FANK1: variants seen among roughly 807,000 people sequenced by gnomAD.
FANK1 encodes the protein fibronectin type 3 and ankyrin repeat domains protein 1.
A neutral mutation model predicts 45.3 loss-of-function variants in FANK1; 44 were observed. That is an observed-to-expected ratio of 0.97 (90% CI 0.76 to 1.25). The LOEUF is 1.25. Among genes scored for constraint, FANK1 ranks in the 50% most tolerant of loss-of-function variants. The probability of loss-of-function intolerance (pLI) is 0.00; values close to 1 mark genes in which losing one functional copy is unlikely to be tolerated. For missense variants in FANK1, 391 were observed against 424.4 expected (o/e 0.92, Z 0.69); for synonymous variants, 149 against 152.5 (o/e 0.98, Z 0.17).
chr10:125,996,444 A>G, intron 4 of FANK1, 106 bp from the exon 5 acceptor site: 1 of 938,216 alleles, frequency 1.1e-6, no homozygotes, highest in South Asian at 1.7e-5. Flanking sequence ...TGGAATTTTC[A>G]GTAAAATGAG....
chr10:125,945,444 G>A (rs927405265), intron 1 of FANK1, among the ~76,000 whole-genome samples: 5 of 152,244 alleles, frequency 3.3e-5, no homozygotes, highest in Non-Finnish European at 7.3e-5. Flanking sequence ...CTTGGGAAGC[G>A]CAAGGGGTCA....
chr10:125,914,838 G>A (rs1946318418), intron 1 of FANK1, among the ~76,000 whole-genome samples: 1 of 152,136 alleles, frequency 6.6e-6, no homozygotes, highest in Non-Finnish European at 1.5e-5. Flanking sequence ...GATCAGAAGT[G>A]AGGTCTGAAC....
Position 125,989,381 on chromosome 10 carries a change from A to G in FANK1, c.316+706A>G, listed in dbSNP as rs538834826. The G allele has an allele frequency of 3.9e-5, 60 of 1,548,656 alleles. No homozygotes were observed. In the African/African-American group the frequency reaches 7.7e-4, roughly 20 times the overall value. ...AGGCAAGTAATTTTTCAGTTGCACA[A>G]AGGAAACCTTCCTTTTGTGAGTAAA... On this transcript the variant is annotated intron_variant, in intron 3 of 10. Transcript: ENST00000368693.
At chr10:125,933,554 C>T (rs911496984) in intron 1 of FANK1, among the ~76,000 whole-genome samples, 1 of 152,072 alleles carries the variant, frequency 6.6e-6, no homozygotes, top group South Asian at 2.1e-4. Context: ...AATGGTCTAT[C>T]AATTTTATTT....
At chr10:125,985,652 A>G (rs1951506361) in intron 2 of FANK1, among the ~76,000 whole-genome samples, 1 of 152,196 alleles carries the variant, frequency 6.6e-6, no homozygotes, top group Admixed American at 6.5e-5. Flanking sequence ...TATCTGCTGC[A>G]TGACAAACCA....
At position 126,009,449 on chromosome 10, in the gene FANK1, A is replaced by T. The variant is rs1368966704; in HGVS notation, c.*11A>T. Reference sequence around the variant, plus strand: ...TCTTGTGTCTGCTGATGAGAGCACCACTCATCTGCGAAACGCACGTAAAAC... The same window carrying T: ...TCTTGTGTCTGCTGATGAGAGCACCTCTCATCTGCGAAACGCACGTAAAAC... On this transcript the variant is annotated 3_prime_UTR_variant, in exon 11 of 11. Transcript: ENST00000368693. The T allele has an allele frequency of 6.2e-7, 1 of 1,611,364 alleles. No individual in the cohort carries two copies. Among genetic ancestry groups the T allele is most frequent in the Non-Finnish European group, 8.5e-7 (1 of 1,179,340 alleles).
Position 126,001,252 on chromosome 10 carries a change from T to C in FANK1, c.540-3632T>C, listed in dbSNP as rs549306948. On this transcript the variant is annotated intron_variant, in intron 6 of 10. Transcript: ENST00000368693. ...TGATTGAAGTTATGATACATTCATA[T>C]GATAGAATATTTAGTATGTGTTATG... Among the ~76,000 whole-genome samples the C allele has an allele frequency of 3.3e-4, 50 of 152,330 alleles. 1 individual carries two copies. The South Asian group carries it at 7.5e-3, about 23-fold the overall frequency.
chr10:125,994,588 C>G, intron 3 of FANK1: 1 of 985,270 alleles, frequency 1.0e-6, no homozygotes, highest in Non-Finnish European at 1.2e-6. Context: ...AGGTGCTATT[C>G]GAAGTGCTTC....
intron 1 of FANK1, among the ~76,000 whole-genome samples, chr10:125,970,978 A>G (rs1950481584): frequency 6.6e-6 from 1 of 152,234 alleles, no homozygotes; most frequent in Non-Finnish European, 1.5e-5. Context: ...AGCCAGGACT[A>G]TAGTCACAGA....
chr10:125,918,588 ATATATATAT>A (rs1946675752), intron 1 of FANK1, among the ~76,000 whole-genome samples: 1 of 94,114 alleles, frequency 1.1e-5, no homozygotes, highest in African/African-American at 4.2e-5. Flanking sequence ...AAAAAAAAAT[ATATATATAT>A]ATATATATAT....
intron 1 of FANK1, among the ~76,000 whole-genome samples, chr10:125,916,124 G>A (rs1478209519): frequency 6.6e-6 from 1 of 151,634 alleles, no homozygotes; most frequent in African/African-American, 2.4e-5. Flanking sequence ...TGCAACCTCC[G>A]CCTCCTGACT....
chr10:125,969,103 C>A (rs1950340079), intron 1 of FANK1, among the ~76,000 whole-genome samples: 1 of 152,000 alleles, frequency 6.6e-6, no homozygotes, highest in African/African-American at 2.4e-5. Flanking sequence ...GTTGTTCTTC[C>A]TTTTTCATTA....
chr10:125,927,466 T>C (rs1442030296), intron 1 of FANK1, among the ~76,000 whole-genome samples: 2 of 152,194 alleles, frequency 1.3e-5, no homozygotes, highest in African/African-American at 4.8e-5. Context: ...GTTTTACTAA[T>C]ATTGCACAAT....
Position 125,995,458 on chromosome 10 carries a change from G to A in FANK1, c.358G>A (p.Val120Met). 1 of 1,614,196 alleles carries A rather than the reference G, an allele frequency of 6.2e-7. No individual in the cohort carries two copies. Among genetic ancestry groups the A allele is most frequent in the South Asian group, 1.1e-5 (1 of 91,082 alleles). Residue 120 changes from valine (V) to methionine (M), a missense_variant, in exon 4 of 11, where the codon GTG becomes ATG. Coordinates refer to ENST00000368693, the MANE Select transcript of FANK1 (RefSeq NM_145235.5). ...SSEHLHRAVS[V>M]NDEDLLVRIL... The stretch of plus-strand genomic sequence containing the variant: ...TGAGCACTTGCACCGGGCTGTCAGT[G>A]TGAATGATGAAGATTTGCTGGTCCG...
intron 1 of FANK1, among the ~76,000 whole-genome samples, chr10:125,950,049 A>G (rs1341257332): frequency 2.9e-5 from 4 of 135,740 alleles, no homozygotes; most frequent in African/African-American, 1.1e-4. Context: ...GTGCTGGGAA[A>G]ACTGGCTAGC....
At chr10:125,988,815 C>T in intron 3 of FANK1, 140 bp downstream of exon 3, 1 of 1,268,986 alleles carries the variant, frequency 7.9e-7, no homozygotes, top group Non-Finnish European at 1.1e-6. Flanking sequence ...ATAATATTTG[C>T]TAGTTGGGCC....
intron 1 of FANK1, among the ~76,000 whole-genome samples, chr10:125,941,538 T>C (rs1948452670): frequency 6.6e-6 from 1 of 152,200 alleles, no homozygotes; most frequent in African/African-American, 2.4e-5. Flanking sequence ...GACTAATAGA[T>C]TTCACTGCTA....
chr10:125,945,414 C>G (rs767730104), intron 1 of FANK1, among the ~76,000 whole-genome samples: 6 of 152,216 alleles, frequency 3.9e-5, no homozygotes, highest in Non-Finnish European at 7.3e-5. Context: ...CAAGCCGAAG[C>G]AGGGCGAGGC....
intron 1 of FANK1, among the ~76,000 whole-genome samples, chr10:125,919,962 A>G (rs1447831638): frequency 1.3e-5 from 2 of 152,198 alleles, no homozygotes; most frequent in Non-Finnish European, 2.9e-5. Flanking sequence ...ACTTTTCATG[A>G]TGAGTAGAAG....
Sources: gnomAD v4.1 joint callset for allele counts (sites outside exome capture counted in the v4.1 genomes callset) on GRCh38, gnomAD v4.1.1 for gene constraint, MANE v1.5 for transcripts, NCBI Gene and HGNC (gene_info 2026-07-23, HGNC 2026-07-21) for gene names.